The following RANBP17 variants were observed in gnomAD, a reference collection of about 807,000 sequenced individuals.
RANBP17 encodes the protein ran-binding protein 17.
Under a neutral mutation model 141.2 loss-of-function variants are expected in RANBP17, and 158 were observed. The ratio of observed to expected loss-of-function variants is 1.12; its 90% confidence interval spans 0.98 to 1.28. The LOEUF (loss-of-function observed/expected upper bound fraction) is 1.28. Ranked by LOEUF, RANBP17 falls within the 50% of genes most tolerant of loss-of-function variation. The pLI is 0.00. For synonymous variants in RANBP17, 430 were observed against 450.0 expected, an observed-to-expected ratio of 0.96 and a Z score of 0.56; for missense variants, 1,438 against 1,290.7, an observed-to-expected ratio of 1.11 and a Z score of -1.75.
chr5:171,054,963 A>G (rs969731779), intron 14 of RANBP17, among the ~76,000 whole-genome samples: 5 of 152,326 alleles, frequency 3.3e-5, no homozygotes, highest in African/African-American at 1.2e-4. Context: ...AGGGCCATTC[A>G]TAACTCTTGA....
In RANBP17 at chr5:170,924,433, T is replaced by C. The variant is rs984157918; in HGVS notation, c.1351T>C (p.Cys451Arg). 2 of 1,613,558 alleles carry C rather than the reference T, an allele frequency of 1.2e-6. No individual in the cohort carries two copies. The highest frequency in any genetic ancestry group is 4.5e-5 in the East Asian group (2 of 44,854). Reference protein sequence around the residue: ...QLEQLCTVSRCEYEKTCALLV... With the variant: ...QLEQLCTVSRREYEKTCALLV... The stretch of plus-strand genomic sequence containing the variant: ...GGAGCAGTTGTGCACGGTCAGCAGA[T>C]GTGAATATGAAAAGACATGTGCTCT... Residue 451 changes from cysteine to arginine, a missense_variant, in exon 12 of 28, where the codon TGT becomes CGT. Physicochemically the swap from Cys to Arg is radical, Grantham distance 180. Transcript: ENST00000523189.
At chr5:171,062,370 C>G (rs553695558) in intron 14 of RANBP17, among the ~76,000 whole-genome samples, 65 of 152,302 alleles carry the variant, frequency 4.3e-4, no homozygotes, top group South Asian at 1.2e-3. Context: ...GACAAAATCT[C>G]TCAGCATTTG....
chr5:171,141,969 C>T lies in RANBP17; in HGVS notation c.1711-28161C>T, dbSNP rs183370051. 5.3e-5 allele frequency among the ~76,000 whole-genome samples: 8 copies of T among 152,032 alleles called. No individual in the cohort carries two copies. In the East Asian group the frequency reaches 5.8e-4, roughly 11 times the overall value. On this transcript the variant is annotated intron_variant, in intron 14 of 27. Transcript: ENST00000523189. Reference sequence around the variant, plus strand: ...CCTATTTAGTATGTCATATAAAATGCGTAATTTGCATGCCTTCAAAGTAAA... The same window carrying T: ...CCTATTTAGTATGTCATATAAAATGTGTAATTTGCATGCCTTCAAAGTAAA...
At chr5:171,058,334 C>G (rs939104410) in intron 14 of RANBP17, among the ~76,000 whole-genome samples, 2 of 125,936 alleles carry the variant, frequency 1.6e-5, no homozygotes, top group Non-Finnish European at 3.3e-5. Flanking sequence ...ACAACAGTCC[C>G]CAGAGTGTGA....
chr5:170,955,681 T>TATATAC lies in RANBP17; in HGVS notation c.1574+1980_1574+1981insTATACA, dbSNP rs769742239. On this transcript the variant is annotated intron_variant, in intron 13 of 27. Transcript: ENST00000523189. ...ATATATATATATATATATATATATA[T>TATATAC]ACACTGAATGAACTCTGTAGAGGAA... 1.0e-3 allele frequency among the ~76,000 whole-genome samples: 41 copies of TATATAC among 39,080 alleles called. 1 individual carries two copies. Among genetic ancestry groups the TATATAC allele is most frequent in the South Asian group, 3.0e-3 (2 of 666 alleles). The allele number at this position is 39,080 out of a possible 152,430, so 25.6% of individuals were successfully genotyped here. A position where few individuals can be genotyped will look rare whatever the true frequency, so the allele number is the denominator to read the frequency against.
At chr5:171,080,776 T>C (rs1455976979) in intron 14 of RANBP17, among the ~76,000 whole-genome samples, 1 of 152,172 alleles carries the variant, frequency 6.6e-6, no homozygotes, top group Non-Finnish European at 1.5e-5. Context: ...CTGCTGCAAA[T>C]AGAACATTCT....
chr5:171,214,928 A>G (rs1465293624), intron 21 of RANBP17, among the ~76,000 whole-genome samples: 2 of 152,100 alleles, frequency 1.3e-5, no homozygotes, highest in African/African-American at 4.8e-5. Flanking sequence ...CATGTGCAGA[A>G]CATGCAGGTT....
At chr5:170,905,330 G>A (rs1770986849) in intron 5 of RANBP17, among the ~76,000 whole-genome samples, 1 of 152,142 alleles carries the variant, frequency 6.6e-6, no homozygotes. Flanking sequence ...TGAGTGATAT[G>A]TGTTTGCGTG....
intron 14 of RANBP17, among the ~76,000 whole-genome samples, chr5:171,132,349 G>A (rs372501025): frequency 8.6e-5 from 13 of 151,764 alleles, no homozygotes; most frequent in African/African-American, 3.1e-4. Context: ...TTATTATTAT[G>A]GAGCAAGTTG....
At chr5:170,872,495 C>A (rs1767831731) in intron 1 of RANBP17, among the ~76,000 whole-genome samples, 1 of 152,132 alleles carries the variant, frequency 6.6e-6, no homozygotes, top group Non-Finnish European at 1.5e-5. Flanking sequence ...TTTGAATACC[C>A]TTTATTTCTT....
intron 14 of RANBP17, among the ~76,000 whole-genome samples, chr5:171,009,289 A>G (rs572487047): frequency 2.6e-5 from 4 of 152,344 alleles, no homozygotes; most frequent in African/African-American, 9.6e-5. Context: ...AGGGTTAGAG[A>G]TAATAAATAT....
At chr5:171,127,407 G>A (rs1298949568) in intron 14 of RANBP17, among the ~76,000 whole-genome samples, 1 of 152,068 alleles carries the variant, frequency 6.6e-6, no homozygotes, top group Non-Finnish European at 1.5e-5. Flanking sequence ...CTAATAACTG[G>A]AACAAGACAA....
chr5:170,937,258 C>A (rs564680924), intron 12 of RANBP17, among the ~76,000 whole-genome samples: 5 of 152,274 alleles, frequency 3.3e-5, no homozygotes, highest in Admixed American at 6.5e-5. Context: ...AGGTTTTTTC[C>A]TCCTCTTCAG....
chr5:170,872,644 G>T (rs562693807), intron 1 of RANBP17, among the ~76,000 whole-genome samples: 1 of 152,110 alleles, frequency 6.6e-6, no homozygotes, highest in Admixed American at 6.5e-5. Context: ...TTGGCTGTGG[G>T]TTTGTCATAA....
intron 3 of RANBP17, among the ~76,000 whole-genome samples, chr5:170,889,661 T>C (rs1346601488): frequency 6.6e-6 from 1 of 152,200 alleles, no homozygotes; most frequent in Non-Finnish European, 1.5e-5. Flanking sequence ...ACATGAAATA[T>C]TATTGTTACT....
chr5:171,099,769 T>G (rs1469199595), intron 14 of RANBP17, among the ~76,000 whole-genome samples: 4 of 152,220 alleles, frequency 2.6e-5, no homozygotes, highest in African/African-American at 9.6e-5. Context: ...TATTTTGAGA[T>G]ATGTTCCGTC....
intron 14 of RANBP17, among the ~76,000 whole-genome samples, chr5:171,145,757 A>G (rs1483031802): frequency 3.3e-5 from 5 of 152,202 alleles, no homozygotes; most frequent in Non-Finnish European, 7.4e-5. Context: ...TGGAAGCCGC[A>G]TAATGGGATC....
chr5:171,154,799 G>A (rs1272649129), intron 14 of RANBP17, among the ~76,000 whole-genome samples: 1 of 151,984 alleles, frequency 6.6e-6, no homozygotes, highest in Non-Finnish European at 1.5e-5. Flanking sequence ...GTTAGGCTGG[G>A]CTCAGTGGCT....
intron 1 of RANBP17, among the ~76,000 whole-genome samples, chr5:170,876,968 A>AT (rs1768230640): frequency 6.6e-6 from 1 of 152,102 alleles, no homozygotes; most frequent in South Asian, 2.1e-4. Flanking sequence ...AAGTGAGGTA[A>AT]TTTGTTTTCA....
Sources: allele counts gnomAD v4.1 joint callset (sites outside exome capture counted in the v4.1 genomes callset), GRCh38; gene constraint gnomAD v4.1.1; transcripts MANE v1.5; gene names NCBI Gene and HGNC (gene_info 2026-07-23, HGNC 2026-07-21).